The following LGSN variants were observed in gnomAD, a reference collection of about 807,000 sequenced individuals.
LGSN encodes lengsin, lens protein with glutamine synthetase domain.
A neutral mutation model predicts 19.5 loss-of-function variants in LGSN; 21 were observed. The observed-to-expected ratio is 1.07, with a 90% CI of 0.76 to 1.55. The LOEUF is 1.55. LGSN is among the 40% of genes most tolerant of loss of function. The pLI, the probability that LGSN is intolerant of heterozygous loss-of-function variation, is 0.00. For synonymous variants in LGSN, 257 were observed against 215.6 expected (o/e 1.19, Z -1.68); for missense variants, 673 against 608.5 (o/e 1.11, Z -1.12).
chr6:63,540,934 C>T, the LGSN span, among the ~76,000 whole-genome samples: 1 of 150,370 alleles, frequency 6.7e-6, no homozygotes, highest in Non-Finnish European at 1.5e-5. Flanking sequence ...ACCCCGGGGG[C>T]GGAGGTTGCA....
chr6:63,342,844 T>C, the LGSN span, among the ~76,000 whole-genome samples: 2 of 152,242 alleles, frequency 1.3e-5, no homozygotes, highest in Non-Finnish European at 2.9e-5. Context: ...TTGTGTCATT[T>C]AGCCTTAATC....
chr6:63,399,642 C>T, the LGSN span, among the ~76,000 whole-genome samples: 7 of 151,666 alleles, frequency 4.6e-5, no homozygotes, highest in Middle Eastern at 0.01. Flanking sequence ...ATGATCCACC[C>T]GCCTCGGCCT....
At chr6:63,352,830 G>A in the LGSN span, among the ~76,000 whole-genome samples, 4 of 152,010 alleles carry the variant, frequency 2.6e-5, no homozygotes, top group African/African-American at 9.7e-5. Flanking sequence ...TAAGAGTAAG[G>A]ATTAAGGGAA....
chr6:63,355,017 A>G, the LGSN span, among the ~76,000 whole-genome samples: 3 of 152,124 alleles, frequency 2.0e-5, no homozygotes, highest in Non-Finnish European at 4.4e-5. Context: ...AGGGGAGGAA[A>G]AAGAAAGAAT....
At chr6:63,311,908 C>A in intron 1 of LGSN, among the ~76,000 whole-genome samples, 1 of 152,058 alleles carries the variant, frequency 6.6e-6, no homozygotes, top group East Asian at 1.9e-4. Flanking sequence ...CACCACCCAC[C>A]CTCTGTTAAC....
At chr6:63,443,517 A>G in the LGSN span, 2 of 608,592 alleles carry the variant, frequency 3.3e-6, no homozygotes, top group Non-Finnish European at 2.2e-6. Flanking sequence ...CGTGAACACC[A>G]TCTGTGACAA....
chr6:63,418,937 T>C, the LGSN span, among the ~76,000 whole-genome samples: 1,396 of 151,326 alleles, frequency 9.2e-3, 16 homozygotes, highest in South Asian at 0.029. Flanking sequence ...AGGGGAACTT[T>C]GACTCCCAGC....
chr6:63,395,403 TA>T, the LGSN span: 1 of 152,334 alleles, frequency 6.6e-6, no homozygotes, highest in African/African-American at 2.4e-5. Context: ...AGAATCCAGT[TA>T]AAGAGGCTGC....
the LGSN span, among the ~76,000 whole-genome samples, chr6:63,336,811 T>C: frequency 3.3e-5 from 5 of 151,890 alleles, no homozygotes; most frequent in Non-Finnish European, 7.4e-5. Context: ...GTATTTTTAG[T>C]AGGGACTCGA....
chr6:63,358,621 T>C, the LGSN span, among the ~76,000 whole-genome samples: 2 of 152,232 alleles, frequency 1.3e-5, no homozygotes, highest in Non-Finnish European at 2.9e-5. Context: ...ACTCATGATT[T>C]GGCTTTCTGT....
At chr6:63,435,233 A>T in the LGSN span, among the ~76,000 whole-genome samples, 2 of 152,244 alleles carry the variant, frequency 1.3e-5, no homozygotes, top group Admixed American at 6.5e-5. Context: ...TGAGATTTAT[A>T]GAGAAACTTA....
At chr6:63,496,758 T>C in the LGSN span, among the ~76,000 whole-genome samples, 1 of 151,734 alleles carries the variant, frequency 6.6e-6, no homozygotes, top group Admixed American at 6.6e-5. Flanking sequence ...CAGCCTACTC[T>C]TTACAACAAC....
At chr6:63,298,579 C>T (rs995100753) in intron 1 of LGSN, among the ~76,000 whole-genome samples, 2 of 152,154 alleles carry the variant, frequency 1.3e-5, no homozygotes, top group South Asian at 2.1e-4. Flanking sequence ...AGAGCCAAAA[C>T]CAATTTTCAA....
At chr6:63,316,536 C>T (rs1768868234) in intron 1 of LGSN, among the ~76,000 whole-genome samples, 1 of 151,892 alleles carries the variant, frequency 6.6e-6, no homozygotes, top group South Asian at 2.1e-4. Flanking sequence ...ATAAAGAACA[C>T]TAAAATAATA....
chr6:63,572,388 C>G, the LGSN span: 1 of 329,316 alleles, frequency 3.0e-6, no homozygotes, highest in Non-Finnish European at 5.5e-6. Flanking sequence ...CCCCGCCTGT[C>G]GGCTCCTGGC....
the LGSN span, among the ~76,000 whole-genome samples, chr6:63,385,733 A>G: frequency 6.6e-5 from 10 of 152,224 alleles, no homozygotes; most frequent in African/African-American, 2.4e-4. Context: ...GGTGGGAATT[A>G]CAATCTTGGA....
chr6:63,566,796 A>G, the LGSN span, among the ~76,000 whole-genome samples: 1 of 152,210 alleles, frequency 6.6e-6, no homozygotes, highest in East Asian at 1.9e-4. Context: ...GTGCTGTTTG[A>G]TAGTATTTTA....
the LGSN span, among the ~76,000 whole-genome samples, chr6:63,401,673 G>A: frequency 6.6e-6 from 1 of 152,198 alleles, no homozygotes; most frequent in African/African-American, 2.4e-5. Context: ...CATAATATCA[G>A]CCATGGGCGT....
the LGSN span, among the ~76,000 whole-genome samples, chr6:63,496,256 C>T: frequency 1.3e-5 from 2 of 152,188 alleles, no homozygotes; most frequent in African/African-American, 4.8e-5. Context: ...CTATTTAACT[C>T]ATATTGTTCT....
Sources: allele counts gnomAD v4.1 joint callset (sites outside exome capture counted in the v4.1 genomes callset), GRCh38; gene constraint gnomAD v4.1.1; transcripts MANE v1.5; gene names NCBI Gene and HGNC (gene_info 2026-07-23, HGNC 2026-07-21).